Variants in UNC79 observed in about 807,000 individuals in gnomAD.
UNC79 encodes unc-79 subunit of NALCN channel complex.
Under a neutral mutation model 283.1 loss-of-function variants are expected in UNC79, and 37 were observed. That is an observed-to-expected ratio of 0.13 (90% CI 0.10 to 0.17). UNC79 has a LOEUF of 0.17. Among genes scored for constraint, UNC79 ranks in the 10% least tolerant of loss-of-function variants. The probability of loss-of-function intolerance (pLI) is 1.00; values close to 1 mark genes in which losing one functional copy is unlikely to be tolerated. For synonymous variants in UNC79, 1,107 were observed against 1,200.2 expected, an observed-to-expected ratio of 0.92 and a Z score of 1.61; for missense variants, 2,272 against 3,211.1, an observed-to-expected ratio of 0.71 and a Z score of 7.07.
intron 1 of UNC79, among the ~76,000 whole-genome samples, chr14:93,440,527 A>ATT (rs760187081): frequency 1.5e-5 from 2 of 132,464 alleles, no homozygotes; most frequent in Admixed American, 7.4e-5. Context: ...TTGGCTGTTA[A>ATT]TTTTTTTTTT....
chr14:93,532,421 G>T, intron 10 of UNC79, 129 bp from the exon 11 acceptor site: 1 of 1,080,164 alleles, frequency 9.3e-7, no homozygotes. Flanking sequence ...GGTGGGCTAT[G>T]ATGGTGCCAT....
chr14:93,470,668 G>A (rs2057454294), intron 2 of UNC79, among the ~76,000 whole-genome samples: 1 of 152,148 alleles, frequency 6.6e-6, no homozygotes, highest in Non-Finnish European at 1.5e-5. Context: ...GTGACCTGGG[G>A]TCTGGTAAAG....
At chr14:93,673,188 C>G (rs548759644) in intron 40 of UNC79, among the ~76,000 whole-genome samples, 163 bp from the exon 44 acceptor site, 51 of 151,718 alleles carry the variant, frequency 3.4e-4, no homozygotes, top group Admixed American at 2.6e-4. Flanking sequence ...ACAAAAATGC[C>G]TTTTTTTTGT....
At chr14:93,442,158 A>G (rs531473557) in intron 1 of UNC79, among the ~76,000 whole-genome samples, 105 of 152,182 alleles carry the variant, frequency 6.9e-4, no homozygotes, top group African/African-American at 2.2e-3. Flanking sequence ...AGCCTTAACT[A>G]TAATATGATT....
chr14:93,405,379 A>C (rs1230073621), intron 1 of UNC79, among the ~76,000 whole-genome samples: 1 of 152,168 alleles, frequency 6.6e-6, no homozygotes, highest in Admixed American at 6.5e-5. Context: ...ATGTTATATC[A>C]ATAACTAAAA....
At chr14:93,632,451 G>A (rs1208564542) in intron 31 of UNC79, among the ~76,000 whole-genome samples, 1 of 152,158 alleles carries the variant, frequency 6.6e-6, no homozygotes, top group African/African-American at 2.4e-5. Flanking sequence ...TGTAATCCCA[G>A]CACTTGGGAA....
chr14:93,572,143 C>T, intron 15 of UNC79, 59 bp downstream of exon 15: 2 of 1,557,740 alleles, frequency 1.3e-6, no homozygotes. Flanking sequence ...GTTTGGTGAG[C>T]ATGTACTGTA....
chr14:93,620,738 C>A (rs988674953), intron 29 of UNC79, among the ~76,000 whole-genome samples, 154 bp from the exon 31 acceptor site: 3 of 152,164 alleles, frequency 2.0e-5, no homozygotes, highest in Non-Finnish European at 2.9e-5. Context: ...GAATTTGATG[C>A]CTGGATGAAA....
chr14:93,537,971 C>A lies in UNC79; in HGVS notation c.1123-18C>A. 1 of 1,593,184 alleles carries A rather than the reference C, an allele frequency of 6.3e-7. No homozygotes were observed. Among genetic ancestry groups the A allele is most frequent in the Non-Finnish European group, 8.5e-7 (1 of 1,171,260 alleles). On this transcript the variant is annotated intron_variant, in intron 11 of 48. Coordinates refer to ENST00000555664, the Ensembl canonical transcript of UNC79. Reference sequence around the variant, plus strand: ...CTCGGTGGTCAATTTTAATTGATTTCACTTTCTTGGCTTCTAGAACTGCAG... The same window carrying A: ...CTCGGTGGTCAATTTTAATTGATTTAACTTTCTTGGCTTCTAGAACTGCAG...
intron 41 of UNC79, among the ~76,000 whole-genome samples, chr14:93,679,741 T>C (rs1270517729): frequency 1.3e-5 from 2 of 152,292 alleles, no homozygotes; most frequent in East Asian, 3.9e-4. Flanking sequence ...ATTTTGATAA[T>C]GAAGTTAGTA....
chr14:93,426,290 A>T (rs2055723908), upstream of UNC79, among the ~76,000 whole-genome samples: 1 of 151,778 alleles, frequency 6.6e-6, no homozygotes, highest in Admixed American at 6.6e-5. Flanking sequence ...CAGCATTTTG[A>T]ATCTGATGTG....
intron 1 of UNC79, among the ~76,000 whole-genome samples, chr14:93,420,444 C>G (rs1029429152): frequency 1.3e-5 from 2 of 151,422 alleles, no homozygotes; most frequent in African/African-American, 4.8e-5. Flanking sequence ...TAGGGGAGTA[C>G]CCAGATATAT....
At chr14:93,653,087 CT>C (rs1052647889) in intron 35 of UNC79, among the ~76,000 whole-genome samples, 5 of 152,046 alleles carry the variant, frequency 3.3e-5, no homozygotes, top group Admixed American at 2.6e-4. Context: ...TTGATTTTCT[CT>C]TTTTTCCTTC....
chr14:93,472,097 C>G (rs1190708163), intron 2 of UNC79, among the ~76,000 whole-genome samples: 1 of 151,972 alleles, frequency 6.6e-6, no homozygotes, highest in Non-Finnish European at 1.5e-5. Flanking sequence ...TATACCACTT[C>G]TATAAGATTC....
At chr14:93,485,646 A>G (rs1323970578) in intron 4 of UNC79, among the ~76,000 whole-genome samples, 1 of 152,132 alleles carries the variant, frequency 6.6e-6, no homozygotes. Context: ...TGATTAATCA[A>G]CTTGACATCT....
In UNC79 at chr14:93,497,146, G is replaced by C; in HGVS notation, c.769-11G>C. ...GATGCTAAGTCAAAATATGCTTGCTGTTTCCTTTAGGATCTTTTGTATGTG... is the reference window on the plus strand; with the variant it reads ...GATGCTAAGTCAAAATATGCTTGCTCTTTCCTTTAGGATCTTTTGTATGTG... On this transcript the variant is annotated splice_polypyrimidine_tract_variant and intron_variant, in intron 6 of 48. Coordinates refer to ENST00000555664, the Ensembl canonical transcript of UNC79. 3 of 1,604,772 alleles carry C rather than the reference G, an allele frequency of 1.9e-6. No individual in the cohort carries two copies. Among genetic ancestry groups the C allele is most frequent in the Non-Finnish European group, 2.5e-6 (3 of 1,177,192 alleles).
At chr14:93,414,742 A>G (rs529848813) in intron 1 of UNC79, among the ~76,000 whole-genome samples, 247 of 152,232 alleles carry the variant, frequency 1.6e-3, no homozygotes, top group Middle Eastern at 3.4e-3. Context: ...GAGGTCCTTC[A>G]CATCCCTTGT....
chr14:93,392,662 T>A (rs926419914), intron 1 of UNC79, among the ~76,000 whole-genome samples: 1 of 152,206 alleles, frequency 6.6e-6, no homozygotes, highest in African/African-American at 2.4e-5. Flanking sequence ...ATTTTCTACT[T>A]CATTTTCATC....
At chr14:93,516,446 T>G (rs1259651619) in intron 7 of UNC79, among the ~76,000 whole-genome samples, 1 of 42,224 alleles carries the variant, frequency 2.4e-5, no homozygotes, top group Non-Finnish European at 5.6e-5. Context: ...TTGGATATTT[T>G]TTTTGGGGGG....
Sources: gnomAD v4.1 joint callset for allele counts (sites outside exome capture counted in the v4.1 genomes callset) on GRCh38, gnomAD v4.1.1 for gene constraint, MANE v1.5 for transcripts, NCBI Gene and HGNC (gene_info 2026-07-23, HGNC 2026-07-21) for gene names.